ZNF521: variants seen among roughly 807,000 people sequenced by gnomAD.
The protein encoded by ZNF521 is LYST-interacting protein 3.
Under a neutral mutation model 105.5 loss-of-function variants are expected in ZNF521, and 14 were observed. The ratio of observed to expected loss-of-function variants is 0.13; its 90% confidence interval spans 0.09 to 0.21. The LOEUF is 0.21. ZNF521 is among the 10% of genes least tolerant of loss of function. The probability of loss-of-function intolerance (pLI) is 1.00; values close to 1 mark genes in which losing one functional copy is unlikely to be tolerated. For missense variants in ZNF521, 1,233 were observed against 1,629.7 expected, an observed-to-expected ratio of 0.76 and a Z score of 4.19; for synonymous variants, 635 against 606.0, an observed-to-expected ratio of 1.05 and a Z score of -0.70.
At chr18:25,201,759 A>T (rs1268817970) in intron 4 of ZNF521, 1 of 152,142 alleles carries the variant, frequency 6.6e-6, no homozygotes, top group Non-Finnish European at 1.5e-5. Flanking sequence ...TCTTAGTAGG[A>T]GAGAATCTCT....
rs192487823 is a variant in ZNF521 at position 25,168,720 on chromosome 18, G to A, written c.3658+26440C>T. On this transcript the variant is annotated intron_variant, in intron 5 of 7. Coordinates refer to ENST00000361524, the MANE Select transcript of ZNF521 (RefSeq NM_015461.3). The stretch of plus-strand genomic sequence containing the variant: ...CTTACACTTTTGACTCCTGCTGGAA[G>A]TATCAAGCCAATTACCTGAGATATC... Among the ~76,000 whole-genome samples, 518 of 152,310 alleles carry A rather than the reference G, an allele frequency of 3.4e-3. 12 individuals are homozygous for A. Among genetic ancestry groups the A allele is most frequent in the Admixed American group, 0.032 (487 of 15,294 alleles).
At chr18:25,223,924 T>C (rs1349730763) in intron 4 of ZNF521, 4 of 231,402 alleles carry the variant, frequency 1.7e-5, no homozygotes, top group Non-Finnish European at 2.6e-5. Flanking sequence ...TCCCCAAATA[T>C]ATATATTCTT....
chr18:25,122,117 G>C (rs757781373), intron 5 of ZNF521, among the ~76,000 whole-genome samples: 18 of 152,284 alleles, frequency 1.2e-4, no homozygotes, highest in Admixed American at 7.2e-4. Context: ...GGACATGAAA[G>C]AGATAAAAAG....
chr18:25,104,373 G>A (rs1567963206), intron 5 of ZNF521, among the ~76,000 whole-genome samples: 1 of 152,288 alleles, frequency 6.6e-6, no homozygotes, highest in Non-Finnish European at 1.5e-5. Context: ...TGCCTTGCAT[G>A]ATATGTGATA....
rs2033757183 is a variant in ZNF521 at position 25,091,978 on chromosome 18, G to A, written c.3762C>T (p.Gly1254=). 1 of 1,613,916 alleles carries A rather than the reference G, an allele frequency of 6.2e-7. No homozygotes were observed. The highest frequency in any genetic ancestry group is 8.5e-7 in the Non-Finnish European group (1 of 1,179,870). The stretch of plus-strand genomic sequence containing the variant: ...TAAAGCAGACTGGACACTTGAAGGT[G>A]CCTCCCATCCCTTCGAAGCTGTGCT... ...LIEHSFEGMG[G]TFKCPVCFTV... Residue 1254 remains glycine, a synonymous_variant, in exon 6 of 8, where the codon GGC becomes GGT. Coordinates refer to ENST00000361524, the MANE Select transcript of ZNF521 (RefSeq NM_015461.3).
intron 5 of ZNF521, among the ~76,000 whole-genome samples, chr18:25,150,254 A>G (rs2035021247): frequency 6.6e-6 from 1 of 152,158 alleles, no homozygotes; most frequent in Non-Finnish European, 1.5e-5. Context: ...CATAAGAATG[A>G]TACAATGGAC....
intron 5 of ZNF521, 133 bp downstream of exon 5, chr18:25,195,027 T>TAA: frequency 2.9e-6 from 2 of 683,856 alleles, no homozygotes; most frequent in East Asian, 3.3e-5. Flanking sequence ...TAACAGAAAT[T>TAA]AAAAAAAAAA....
At chr18:25,346,425 G>T (rs1009391473) in intron 2 of ZNF521, among the ~76,000 whole-genome samples, 15 of 152,072 alleles carry the variant, frequency 9.9e-5, no homozygotes, top group African/African-American at 3.4e-4. Context: ...GCTCCCTGAG[G>T]TGGCTTTTCT....
intron 5 of ZNF521, among the ~76,000 whole-genome samples, chr18:25,146,312 G>A (rs911515383): frequency 6.6e-6 from 1 of 152,046 alleles, no homozygotes; most frequent in Non-Finnish European, 1.5e-5. Context: ...TGTCATATAA[G>A]CAATTTATAG....
chr18:25,080,674 G>A (rs1385799221), intron 7 of ZNF521, among the ~76,000 whole-genome samples: 1 of 152,176 alleles, frequency 6.6e-6, no homozygotes, highest in Non-Finnish European at 1.5e-5. Flanking sequence ...TTCTTTGCTC[G>A]TTTCAGGGGA....
intron 4 of ZNF521, chr18:25,224,115 C>T: frequency 1.9e-6 from 1 of 530,276 alleles, no homozygotes; most frequent in East Asian, 3.1e-5. Flanking sequence ...AAGACAATAT[C>T]CTAGGGAGAC....
At chr18:25,140,393 G>C (rs1325171058) in intron 5 of ZNF521, among the ~76,000 whole-genome samples, 2 of 152,210 alleles carry the variant, frequency 1.3e-5, no homozygotes, top group African/African-American at 4.8e-5. Context: ...TTTGATTGGG[G>C]ATGACATTTA....
At chr18:25,127,024 C>T (rs1324441372) in intron 5 of ZNF521, among the ~76,000 whole-genome samples, 1 of 151,900 alleles carries the variant, frequency 6.6e-6, no homozygotes, top group African/African-American at 2.4e-5. Flanking sequence ...TTTAATAAAG[C>T]TCAGATTGAC....
At chr18:25,303,518 G>A (rs577778153) in intron 3 of ZNF521, among the ~76,000 whole-genome samples, 224 of 152,112 alleles carry the variant, frequency 1.5e-3, no homozygotes, top group Non-Finnish European at 2.1e-3. Context: ...GGCTGGTCTC[G>A]AACTCCTGAT....
intron 7 of ZNF521, among the ~76,000 whole-genome samples, chr18:25,068,886 T>C (rs981997218): frequency 3.3e-5 from 5 of 152,084 alleles, no homozygotes; most frequent in Admixed American, 2.0e-4. Flanking sequence ...CTAAGGAAAA[T>C]TACTCCTTGG....
intron 3 of ZNF521, among the ~76,000 whole-genome samples, chr18:25,318,734 G>A (rs1160811254): frequency 6.6e-6 from 1 of 152,038 alleles, no homozygotes; most frequent in Non-Finnish European, 1.5e-5. Flanking sequence ...TTATTGGATA[G>A]AGAAAAATAC....
intron 6 of ZNF521, among the ~76,000 whole-genome samples, chr18:25,090,206 C>T (rs1222158138): frequency 6.6e-6 from 1 of 152,186 alleles, no homozygotes; most frequent in Non-Finnish European, 1.5e-5. Flanking sequence ...CTAGGAGACA[C>T]GCTATTAATA....
chr18:25,114,070 T>G (rs1341841981), intron 5 of ZNF521, among the ~76,000 whole-genome samples: 2 of 152,080 alleles, frequency 1.3e-5, no homozygotes, highest in African/African-American at 4.8e-5. Flanking sequence ...AGCCCTAAAT[T>G]TAATTGTTCA....
intron 5 of ZNF521, among the ~76,000 whole-genome samples, chr18:25,106,481 G>A (rs1600033347): frequency 2.0e-5 from 3 of 152,036 alleles, no homozygotes; most frequent in Admixed American, 1.3e-4. Context: ...TGAAAATAAA[G>A]CCCAGCAGTA....
Sources: allele counts gnomAD v4.1 joint callset (sites outside exome capture counted in the v4.1 genomes callset), GRCh38; gene constraint gnomAD v4.1.1; transcripts MANE v1.5; gene names NCBI Gene and HGNC (gene_info 2026-07-23, HGNC 2026-07-21).